Variants in MSRA observed in about 807,000 individuals in gnomAD.
The protein encoded by MSRA is mitochondrial peptide methionine sulfoxide reductase.
MSRA carries 54 observed loss-of-function variants against 31.3 expected under a neutral mutation model. The ratio of observed to expected loss-of-function variants is 1.73; its 90% CI spans 1.39 to 2.17. The LOEUF (loss-of-function observed/expected upper bound fraction) is 2.17. Among genes scored for constraint, MSRA ranks in the 30% most tolerant of loss-of-function variants. The probability of loss-of-function intolerance (pLI) is 0.00; values close to 1 mark genes in which losing one functional copy is unlikely to be tolerated. For missense variants in MSRA, 507 were observed against 300.9 expected (o/e 1.69, Z -5.07); for synonymous variants, 169 against 116.5 (o/e 1.45, Z -2.90).
chr8:10,078,052 A>C (rs781702898), intron 1 of MSRA, among the ~76,000 whole-genome samples: 3 of 152,266 alleles, frequency 2.0e-5, no homozygotes, highest in Non-Finnish European at 2.9e-5. Context: ...AGCATAGGAA[A>C]TTAAACACAA....
intron 3 of MSRA, among the ~76,000 whole-genome samples, chr8:10,258,370 G>A (rs1016337240): frequency 2.6e-5 from 4 of 152,176 alleles, no homozygotes; most frequent in Admixed American, 1.3e-4. Flanking sequence ...AAGACTCACT[G>A]GCTAATTGGA....
At chr8:10,097,317 C>G (rs918603798) in intron 1 of MSRA, among the ~76,000 whole-genome samples, 5 of 152,022 alleles carry the variant, frequency 3.3e-5, no homozygotes, top group Admixed American at 2.6e-4. Context: ...AAATGACAAC[C>G]TTTGTTTAAT....
intron 5 of MSRA, among the ~76,000 whole-genome samples, chr8:10,376,332 A>C (rs1318948478): frequency 6.6e-6 from 1 of 152,174 alleles, no homozygotes; most frequent in Non-Finnish European, 1.5e-5. Context: ...GGCTCACTTA[A>C]TAGCAAGGCA....
At chr8:10,089,928 C>T (rs1048223397) in intron 1 of MSRA, among the ~76,000 whole-genome samples, 6 of 152,278 alleles carry the variant, frequency 3.9e-5, no homozygotes, top group African/African-American at 1.4e-4. Flanking sequence ...CCCCAGGAGC[C>T]GAACACCTTC....
At chr8:10,259,511 C>G (rs534107098) in intron 3 of MSRA, among the ~76,000 whole-genome samples, 30 of 152,286 alleles carry the variant, frequency 2.0e-4, no homozygotes, top group East Asian at 1.7e-3. Context: ...GTCTCCTCCT[C>G]TCTCCCTGCT....
chr8:10,384,770 G>C (rs1176531340), intron 5 of MSRA, among the ~76,000 whole-genome samples: 1 of 152,160 alleles, frequency 6.6e-6, no homozygotes, highest in Non-Finnish European at 1.5e-5. Context: ...CAGTTTGAGA[G>C]GCTGAGGTGG....
chr8:10,191,576 T>C (rs980350882), intron 1 of MSRA, among the ~76,000 whole-genome samples: 12 of 152,346 alleles, frequency 7.9e-5, no homozygotes, highest in African/African-American at 2.6e-4. Flanking sequence ...TCCTAGACTT[T>C]AGTGGTTCAG....
chr8:10,127,003 C>T (rs542040766), intron 1 of MSRA, among the ~76,000 whole-genome samples: 23 of 152,346 alleles, frequency 1.5e-4, no homozygotes, highest in African/African-American at 5.5e-4. Flanking sequence ...ACAGCCTGGT[C>T]CACTAGCTAG....
At chr8:10,100,450 AT>A (rs1315294177) in intron 1 of MSRA, among the ~76,000 whole-genome samples, 2 of 152,056 alleles carry the variant, frequency 1.3e-5, no homozygotes, top group African/African-American at 4.8e-5. Flanking sequence ...TGGAACTGGA[AT>A]AGCAGGTATT....
intron 3 of MSRA, among the ~76,000 whole-genome samples, chr8:10,292,786 G>T (rs902192681): frequency 6.6e-6 from 1 of 152,198 alleles, no homozygotes; most frequent in Non-Finnish European, 1.5e-5. Context: ...GCAGGACCTG[G>T]GGTGACCCTG....
rs75667500 is a variant in MSRA, at chr8:10,159,218, G to C, written c.143-48615G>C. Among the ~76,000 whole-genome samples the C allele has an allele frequency of 2.5e-3, 387 of 152,282 alleles. 1 individual carries two copies. The highest frequency in any genetic ancestry group is 8.8e-3 in the African/African-American group (367 of 41,550). ...TGGTCAGATGTGAGGATTGGGGAGC[G>C]CTGAAACTGCATTTCCTGCCTGGGC... On this transcript the variant is annotated intron_variant, in intron 1 of 5. Transcript: ENST00000317173.
At chr8:10,333,315 G>A (rs1179818455) in intron 5 of MSRA, among the ~76,000 whole-genome samples, 1 of 152,120 alleles carries the variant, frequency 6.6e-6, no homozygotes, top group Non-Finnish European at 1.5e-5. Flanking sequence ...TTAAATCTCA[G>A]TTATGTGTTT....
At position 10,110,642 on chromosome 8, in the gene MSRA, T is replaced by C. The variant is rs564200283; in HGVS notation, c.142+55984T>C. Among the ~76,000 whole-genome samples the C allele has an allele frequency of 6.6e-5, 10 of 152,374 alleles. No homozygotes were observed. In the South Asian group the frequency reaches 1.9e-3, roughly 28 times the overall value. Reference sequence around the variant, plus strand: ...AAAATCACTTCTCTGATCCTTCATCTCCTTGGCAGGATCTGTGTCAAATGT... The same window carrying C: ...AAAATCACTTCTCTGATCCTTCATCCCCTTGGCAGGATCTGTGTCAAATGT... On this transcript the variant is annotated intron_variant, in intron 1 of 5. Transcript: ENST00000317173.
At chr8:10,332,177 T>A (rs1802741086) in intron 5 of MSRA, among the ~76,000 whole-genome samples, 1 of 152,242 alleles carries the variant, frequency 6.6e-6, no homozygotes, top group African/African-American at 2.4e-5. Context: ...TCTCGGTCTG[T>A]TGTATTCTCT....
intron 3 of MSRA, among the ~76,000 whole-genome samples, chr8:10,283,854 C>T (rs1326465669): frequency 5.7e-5 from 8 of 140,530 alleles, no homozygotes; most frequent in South Asian, 2.3e-4. Flanking sequence ...CACACACACA[C>T]ACACACACAC....
At position 10,227,343 on chromosome 8, in the gene MSRA, T is replaced by A. The variant is rs573010548; in HGVS notation, c.212-17761T>A. Among the ~76,000 whole-genome samples the A allele has an allele frequency of 3.9e-4, 60 of 152,264 alleles. No individual in the cohort carries two copies. The South Asian group carries it at 0.012, about 30-fold the overall frequency. Reference sequence around the variant, plus strand: ...AACATACCAGGGGTTTGATTCAGTGTAGGAATAGCTTTCAAGCTCTCATTA... The same window carrying A: ...AACATACCAGGGGTTTGATTCAGTGAAGGAATAGCTTTCAAGCTCTCATTA... On this transcript the variant is annotated intron_variant, in intron 2 of 5. Transcript: ENST00000317173.
intron 2 of MSRA, among the ~76,000 whole-genome samples, chr8:10,212,438 G>C (rs960958161): frequency 4.6e-5 from 7 of 152,092 alleles, no homozygotes; most frequent in African/African-American, 1.7e-4. Context: ...AATGAACTTG[G>C]ATAGACAAAG....
intron 1 of MSRA, among the ~76,000 whole-genome samples, chr8:10,149,937 A>T (rs1235573891): frequency 1.8e-4 from 1 of 5,642 alleles, no homozygotes; most frequent in Non-Finnish European, 6.6e-4. Context: ...TTTATCTGTC[A>T]ATTTACAAAT....
Position 10,250,505 on chromosome 8 carries a change from C to G in MSRA, c.331+5282C>G, listed in dbSNP as rs1300293460. 1.0e-5 allele frequency: 7 copies of G among 700,742 alleles called. No homozygotes were observed. The Admixed American group carries it at 1.2e-4, about 12-fold the overall frequency. The allele number at this position is 700,742 out of a possible 1,614,324, so 43.4% of individuals were successfully genotyped here. ...AGCCAAGTGGCACTGAATCCAGAAG[C>G]ATGAAAGGAGCTGCACAACTTTTCC... On this transcript the variant is annotated intron_variant, in intron 3 of 5. Transcript: ENST00000317173.
Sources: allele counts gnomAD v4.1 joint callset (sites outside exome capture counted in the v4.1 genomes callset), GRCh38; gene constraint gnomAD v4.1.1; transcripts MANE v1.5; gene names NCBI Gene and HGNC (gene_info 2026-07-23, HGNC 2026-07-21).